PLXNA2: variants seen among roughly 807,000 people sequenced by gnomAD.
PLXNA2 encodes plexin A2.
PLXNA2 carries 91 observed loss-of-function variants against 193.5 expected under a neutral mutation model. The observed-to-expected ratio is 0.47, with a 90% CI of 0.40 to 0.56. The LOEUF is 0.56. Ranked by LOEUF, PLXNA2 falls within the 20% of genes least tolerant of loss-of-function variation. The pLI is 0.00. For synonymous variants in PLXNA2, 997 were observed against 1,027.3 expected (o/e 0.97, Z 0.56); for missense variants, 1,995 against 2,503.2 (o/e 0.80, Z 4.33).
chr1:208,125,615 A>G (rs1452239490), intron 4 of PLXNA2, among the ~76,000 whole-genome samples: 1 of 152,244 alleles, frequency 6.6e-6, no homozygotes, highest in Non-Finnish European at 1.5e-5. Context: ...GAAGCATATT[A>G]GATAAAATAA....
rs73083087 is a variant in PLXNA2, at chr1:208,085,721, C to T, written c.2098-1141G>A. ...TTTTCTCTGGGCCCCACTTGCAAGCCGTTCAGCATCTGGCCCTTGCCTACC... is the reference window on the plus strand; with the variant it reads ...TTTTCTCTGGGCCCCACTTGCAAGCTGTTCAGCATCTGGCCCTTGCCTACC... On this transcript the variant is annotated intron_variant, in intron 9 of 31. Coordinates refer to ENST00000367033, the MANE Select transcript of PLXNA2 (RefSeq NM_025179.4). Among the ~76,000 whole-genome samples, 653 of 152,316 alleles carry T rather than the reference C, an allele frequency of 4.3e-3. 4 individuals carry two copies. Among genetic ancestry groups the T allele is most frequent in the African/African-American group, 0.015 (633 of 41,572 alleles).
intron 3 of PLXNA2, among the ~76,000 whole-genome samples, chr1:208,149,885 C>A (rs901161279): frequency 2.0e-5 from 3 of 152,146 alleles, no homozygotes; most frequent in African/African-American, 7.2e-5. Context: ...TCAACAGCAG[C>A]AACAGCAGCG....
chr1:208,173,649 G>A lies in PLXNA2; in HGVS notation c.1372-31186C>T, dbSNP rs193200475. Among the ~76,000 whole-genome samples the A allele has an allele frequency of 3.9e-5, 6 of 152,306 alleles. No individual in the cohort carries two copies. In the East Asian group the frequency reaches 1.2e-3, roughly 29 times the overall value. On this transcript the variant is annotated intron_variant, in intron 3 of 31. Coordinates refer to ENST00000367033, the MANE Select transcript of PLXNA2 (RefSeq NM_025179.4). ...GCTGTCATATCTGTCCAAGAATAAG[G>A]GCCAAGGCTTCTGTTCCCAGCAGAT... is the stretch of plus-strand genomic sequence containing the variant.
intron 3 of PLXNA2, among the ~76,000 whole-genome samples, chr1:208,145,764 T>C (rs1264034069): frequency 1.3e-5 from 2 of 152,204 alleles, no homozygotes; most frequent in African/African-American, 2.4e-5. Flanking sequence ...TTTTTCTTTT[T>C]CCCTGTCTGC....
At chr1:208,144,515 G>A (rs1668550521) in intron 3 of PLXNA2, among the ~76,000 whole-genome samples, 1 of 152,084 alleles carries the variant, frequency 6.6e-6, no homozygotes, top group Non-Finnish European at 1.5e-5. Context: ...GGTAGAAACA[G>A]CAGATTCTTG....
At chr1:208,089,839 G>A (rs1666652227) in intron 9 of PLXNA2, among the ~76,000 whole-genome samples, 1 of 152,226 alleles carries the variant, frequency 6.6e-6, no homozygotes, top group Admixed American at 6.5e-5. Context: ...CAGTTAGCTG[G>A]AAATCCAGGG....
At chr1:208,115,373 C>T (rs977007873) in intron 4 of PLXNA2, among the ~76,000 whole-genome samples, 2 of 152,204 alleles carry the variant, frequency 1.3e-5, no homozygotes, top group Non-Finnish European at 2.9e-5. Flanking sequence ...ATCCATTCAT[C>T]CACCAGACTG....
At chr1:208,043,287 G>C (rs796183160) in intron 20 of PLXNA2, 84 bp from the exon 21 acceptor site, 1 of 1,361,548 alleles carries the variant, frequency 7.3e-7, no homozygotes, top group Admixed American at 1.8e-5. Flanking sequence ...TGCAAAGGAC[G>C]AGGGGAGGAC....
chr1:208,216,584 G>T, intron 2 of PLXNA2, 151 bp downstream of exon 2: 1 of 812,342 alleles, frequency 1.2e-6, no homozygotes, highest in Non-Finnish European at 1.9e-6. Context: ...AAGACCCTGC[G>T]TTATTGGTTA....
intron 3 of PLXNA2, among the ~76,000 whole-genome samples, chr1:208,185,543 T>C (rs2102554150): frequency 6.6e-6 from 1 of 152,058 alleles, no homozygotes; most frequent in African/African-American, 2.4e-5. Flanking sequence ...CAAAGACTGC[T>C]TGGGGTTGAC....
chr1:208,139,750 A>T (rs1668409525), intron 4 of PLXNA2, among the ~76,000 whole-genome samples: 1 of 152,230 alleles, frequency 6.6e-6, no homozygotes, highest in Non-Finnish European at 1.5e-5. Context: ...TTCTCCTGCC[A>T]CACATTCAAC....
At chr1:208,145,164 G>A (rs1244197723) in intron 3 of PLXNA2, among the ~76,000 whole-genome samples, 3 of 152,180 alleles carry the variant, frequency 2.0e-5, no homozygotes, top group Admixed American at 2.0e-4. Context: ...GGTTGGCCTG[G>A]TCTCAGTTTT....
intron 3 of PLXNA2, among the ~76,000 whole-genome samples, chr1:208,151,431 C>T (rs1018422593): frequency 6.6e-6 from 1 of 152,058 alleles, no homozygotes; most frequent in Non-Finnish European, 1.5e-5. Context: ...GTGGGGAGTG[C>T]AGGGCAGCCT....
At chr1:208,035,211 A>G (rs1010826452) in intron 26 of PLXNA2, among the ~76,000 whole-genome samples, 1 of 152,142 alleles carries the variant, frequency 6.6e-6, no homozygotes, top group African/African-American at 2.4e-5. Flanking sequence ...AGGCTAAGCA[A>G]CCTCTTAAAG....
intron 28 of PLXNA2, among the ~76,000 whole-genome samples, chr1:208,033,085 C>T (rs1156698459): frequency 2.8e-5 from 4 of 142,086 alleles, no homozygotes; most frequent in East Asian, 2.1e-4. Flanking sequence ...TAGTGGAGAT[C>T]GGGTCTTGAT....
intron 2 of PLXNA2, among the ~76,000 whole-genome samples, chr1:208,213,899 G>T (rs1201145271): frequency 1.3e-5 from 2 of 152,190 alleles, no homozygotes; most frequent in Non-Finnish European, 2.9e-5. Flanking sequence ...CTATCCTTTT[G>T]TAACTAGCCC....
At chr1:208,224,344 G>A (rs1450738141) in intron 1 of PLXNA2, among the ~76,000 whole-genome samples, 1 of 150,944 alleles carries the variant, frequency 6.6e-6, no homozygotes, top group Non-Finnish European at 1.5e-5. Flanking sequence ...CCAAGAGAGA[G>A]GAGAGAGTGG....
At chr1:208,110,932 T>C (rs919724902) in intron 4 of PLXNA2, among the ~76,000 whole-genome samples, 1 of 152,154 alleles carries the variant, frequency 6.6e-6, no homozygotes, top group African/African-American at 2.4e-5. Flanking sequence ...ATCTCTTAGC[T>C]CATTTTACTC....
At chr1:208,161,870 G>A (rs1669115892) in intron 3 of PLXNA2, among the ~76,000 whole-genome samples, 4 of 152,086 alleles carry the variant, frequency 2.6e-5, no homozygotes, top group African/African-American at 7.3e-5. Context: ...TTAATTACGC[G>A]TCAACTACTC....
Sources: allele counts gnomAD v4.1 joint callset (sites outside exome capture counted in the v4.1 genomes callset), GRCh38; gene constraint gnomAD v4.1.1; transcripts MANE v1.5; gene names NCBI Gene and HGNC (gene_info 2026-07-23, HGNC 2026-07-21).